Variants in MAP3K5 observed in about 807,000 individuals in gnomAD.
The protein encoded by MAP3K5 is ASK-1.
In MAP3K5, 56 loss-of-function variants were observed where a neutral mutation model predicts 158.7. The ratio of observed to expected loss-of-function variants is 0.35; its 90% CI spans 0.28 to 0.44. MAP3K5 has a LOEUF of 0.44. Ranked by LOEUF, MAP3K5 falls within the 20% of genes least tolerant of loss-of-function variation. MAP3K5 has a pLI of 1.00. For synonymous variants in MAP3K5, 579 were observed against 601.7 expected (o/e 0.96, Z 0.55); for missense variants, 1,294 against 1,674.8 (o/e 0.77, Z 3.97).
intron 10 of MAP3K5, among the ~76,000 whole-genome samples, chr6:136,655,075 C>A (rs1778685545): frequency 6.6e-6 from 1 of 152,024 alleles, no homozygotes; most frequent in African/African-American, 2.4e-5. Context: ...CAAATTCTGT[C>A]AAATATTTTT....
chr6:136,755,370 A>C (rs1029085700), intron 1 of MAP3K5, among the ~76,000 whole-genome samples: 3 of 152,032 alleles, frequency 2.0e-5, no homozygotes, highest in Admixed American at 6.5e-5. Flanking sequence ...CTCCTCTCCC[A>C]GCCCTCTAAA....
At position 136,665,591 on chromosome 6, in the gene MAP3K5, C is replaced by T. The variant is rs145785854; in HGVS notation, c.1366+3692G>A. 5.5e-3 allele frequency among the ~76,000 whole-genome samples: 841 copies of T among 152,072 alleles called. 8 individuals are homozygous for T. The highest frequency in any genetic ancestry group is 0.019 in the African/African-American group (804 of 41,382). ...GAACTCCTGACCTCAGGTAATCCAC[C>T]CGCCTCCGCCTCCCAAAGTGCTGGG... On this transcript the variant is annotated intron_variant, in intron 8 of 29. Transcript: ENST00000359015.
intron 21 of MAP3K5, among the ~76,000 whole-genome samples, chr6:136,594,954 C>T (rs369013499): frequency 2.4e-4 from 36 of 152,200 alleles, no homozygotes; most frequent in African/African-American, 8.2e-4. Flanking sequence ...TGAATTTTAA[C>T]GTTGCTGTGA....
intron 1 of MAP3K5, among the ~76,000 whole-genome samples, chr6:136,788,738 A>C (rs765676590): frequency 2.0e-5 from 3 of 152,220 alleles, no homozygotes; most frequent in Non-Finnish European, 4.4e-5. Context: ...TTTGTTAAAA[A>C]GTCAAAAAAT....
intron 14 of MAP3K5, among the ~76,000 whole-genome samples, chr6:136,636,189 G>T (rs1777626429): frequency 6.6e-6 from 1 of 152,082 alleles, no homozygotes; most frequent in South Asian, 2.1e-4. Flanking sequence ...ATTAGGTCTT[G>T]AAGGCAGAGC....
intron 1 of MAP3K5, among the ~76,000 whole-genome samples, chr6:136,752,619 C>T (rs565534673): frequency 6.6e-6 from 1 of 152,290 alleles, no homozygotes; most frequent in Non-Finnish European, 1.5e-5. Context: ...GCCATTTTGG[C>T]CAGGCTGGTC....
intron 1 of MAP3K5, among the ~76,000 whole-genome samples, chr6:136,761,479 G>C (rs1363612082): frequency 6.6e-6 from 1 of 152,102 alleles, no homozygotes; most frequent in Non-Finnish European, 1.5e-5. Flanking sequence ...CCAGGAGCCT[G>C]GGGGAATTGT....
At chr6:136,723,018 C>T (rs1173891220) in intron 1 of MAP3K5, among the ~76,000 whole-genome samples, 2 of 151,902 alleles carry the variant, frequency 1.3e-5, no homozygotes, top group East Asian at 1.9e-4. Context: ...GGCTTAAATC[C>T]TAAAAATTAT....
At chr6:136,591,662 C>CAACT (rs1352873639) in intron 23 of MAP3K5, among the ~76,000 whole-genome samples, 1 of 152,208 alleles carries the variant, frequency 6.6e-6, no homozygotes, top group Non-Finnish European at 1.5e-5. Flanking sequence ...AAGGACTTAT[C>CAACT]AACTACATTA....
intron 13 of MAP3K5, among the ~76,000 whole-genome samples, chr6:136,638,717 T>C (rs953894037): frequency 6.6e-6 from 1 of 152,196 alleles, no homozygotes; most frequent in Non-Finnish European, 1.5e-5. Flanking sequence ...CCAAGAATTG[T>C]GGATTCAACA....
chr6:136,745,673 G>T (rs1423682288), intron 1 of MAP3K5, among the ~76,000 whole-genome samples: 1 of 152,128 alleles, frequency 6.6e-6, no homozygotes, highest in Non-Finnish European at 1.5e-5. Context: ...TTTTCTGCAG[G>T]CATTCTGCAT....
At chr6:136,679,161 T>C (rs548628279) in intron 7 of MAP3K5, among the ~76,000 whole-genome samples, 1 of 152,338 alleles carries the variant, frequency 6.6e-6, no homozygotes, top group African/African-American at 2.4e-5. Flanking sequence ...GTCACCTGAT[T>C]GCAAACTAGC....
At chr6:136,597,458 AG>A (rs1775684827) in intron 21 of MAP3K5, among the ~76,000 whole-genome samples, 1 of 152,198 alleles carries the variant, frequency 6.6e-6, no homozygotes, top group South Asian at 2.1e-4. Flanking sequence ...TAGACAGTTT[AG>A]GAACAGTCTG....
intron 15 of MAP3K5, 73 bp downstream of exon 15, chr6:136,622,775 C>A: frequency 6.9e-7 from 1 of 1,450,210 alleles, no homozygotes; most frequent in Non-Finnish European, 9.5e-7. Flanking sequence ...AGAATATCAT[C>A]AAGTATTTTC....
intron 2 of MAP3K5, among the ~76,000 whole-genome samples, chr6:136,706,868 C>T (rs1291588328): frequency 1.3e-5 from 2 of 152,228 alleles, no homozygotes; most frequent in African/African-American, 4.8e-5. Context: ...CTAAAAATGC[C>T]TGGTGCCGTG....
intron 8 of MAP3K5, among the ~76,000 whole-genome samples, chr6:136,663,767 G>A (rs1206200251): frequency 1.3e-5 from 2 of 151,736 alleles, no homozygotes; most frequent in African/African-American, 2.4e-5. Context: ...GAACCACCAC[G>A]CCCGGCTAAT....
intron 27 of MAP3K5, 126 bp downstream of exon 27, chr6:136,562,377 C>T: frequency 2.1e-6 from 1 of 466,810 alleles, no homozygotes; most frequent in Non-Finnish European, 3.9e-6. Context: ...AAAGGAATTC[C>T]TGCTTGCAGT....
chr6:136,669,101 A>G (rs1374792901), intron 8 of MAP3K5, among the ~76,000 whole-genome samples, 182 bp downstream of exon 8: 1 of 152,216 alleles, frequency 6.6e-6, no homozygotes, highest in Non-Finnish European at 1.5e-5. Context: ...TTATGTCCTA[A>G]TATCAGGATT....
intron 1 of MAP3K5, among the ~76,000 whole-genome samples, chr6:136,747,156 T>C (rs9389433): frequency 0.33 from 50,983 of 152,204 alleles, 10,507 homozygotes; most frequent in Middle Eastern, 0.45. Flanking sequence ...CCTGGTCTTA[T>C]TGGCCTCCCA....
Sources: allele counts gnomAD v4.1 joint callset (sites outside exome capture counted in the v4.1 genomes callset), GRCh38; gene constraint gnomAD v4.1.1; transcripts MANE v1.5; gene names NCBI Gene and HGNC (gene_info 2026-07-23, HGNC 2026-07-21).